PABPC4L: variants seen among roughly 807,000 people sequenced by gnomAD.
The protein encoded by PABPC4L is poly(A) binding protein cytoplasmic 4 like, also known as polyadenylate-binding protein 4-like.
For synonymous variants in PABPC4L, 169 were observed against 164.1 expected (o/e 1.03, Z -0.23); for missense variants, 452 against 451.4 (o/e 1.00, Z -0.01).
chr4:133,959,699 G>A, the PABPC4L span, among the ~76,000 whole-genome samples: 1 of 152,184 alleles, frequency 6.6e-6, no homozygotes, highest in South Asian at 2.1e-4. Context: ...CGCACTGGGA[G>A]AAGAAATGCA....
At chr4:133,960,733 G>A in the PABPC4L span, among the ~76,000 whole-genome samples, 1 of 152,268 alleles carries the variant, frequency 6.6e-6, no homozygotes, top group Non-Finnish European at 1.5e-5. Flanking sequence ...GGAGCATGAT[G>A]GGAGTGAGAC....
chr4:134,171,469 G>T, the PABPC4L span, among the ~76,000 whole-genome samples: 2 of 152,084 alleles, frequency 1.3e-5, no homozygotes, highest in Non-Finnish European at 2.9e-5. Flanking sequence ...TTTAAATGGG[G>T]CTGTTTTTTG....
the PABPC4L span, among the ~76,000 whole-genome samples, chr4:134,008,881 C>T: frequency 1.3e-5 from 2 of 151,440 alleles, no homozygotes; most frequent in Non-Finnish European, 3.0e-5. Flanking sequence ...TGAGGTTCAA[C>T]AATAAAAGAG....
chr4:134,030,976 A>G, the PABPC4L span, among the ~76,000 whole-genome samples: 1 of 152,046 alleles, frequency 6.6e-6, no homozygotes, highest in Admixed American at 6.6e-5. Flanking sequence ...GTATCTCTGA[A>G]AGGTTAAAGA....
chr4:133,977,784 T>A, the PABPC4L span, among the ~76,000 whole-genome samples: 1 of 152,328 alleles, frequency 6.6e-6, no homozygotes, highest in African/African-American at 2.4e-5. Context: ...TAAATTGTAA[T>A]CTCAATAAAT....
chr4:133,970,925 G>T, the PABPC4L span, among the ~76,000 whole-genome samples: 2 of 151,898 alleles, frequency 1.3e-5, no homozygotes, highest in Non-Finnish European at 2.9e-5. Flanking sequence ...ATAATCATAA[G>T]ACATAAATTT....
the PABPC4L span, among the ~76,000 whole-genome samples, chr4:134,094,242 T>C: frequency 6.6e-6 from 1 of 151,986 alleles, no homozygotes; most frequent in Non-Finnish European, 1.5e-5. Flanking sequence ...TTTTTCCATA[T>C]TTTTATTGAA....
At chr4:134,143,991 T>C in the PABPC4L span, among the ~76,000 whole-genome samples, 2 of 151,590 alleles carry the variant, frequency 1.3e-5, no homozygotes, top group Non-Finnish European at 3.0e-5. Flanking sequence ...CTGATGACAA[T>C]TGATTTTATT....
At chr4:134,025,871 T>C in the PABPC4L span, among the ~76,000 whole-genome samples, 2 of 152,006 alleles carry the variant, frequency 1.3e-5, no homozygotes, top group South Asian at 4.2e-4. Context: ...TCTAACATAA[T>C]TTTTTTACCA....
chr4:134,127,922 G>C, the PABPC4L span, among the ~76,000 whole-genome samples: 3 of 152,022 alleles, frequency 2.0e-5, no homozygotes, highest in Admixed American at 6.6e-5. Flanking sequence ...TACAGGATAT[G>C]AATGAAAAAA....
At chr4:134,023,648 A>T in the PABPC4L span, among the ~76,000 whole-genome samples, 1 of 152,076 alleles carries the variant, frequency 6.6e-6, no homozygotes, top group African/African-American at 2.4e-5. Context: ...TATGAATTAT[A>T]TTTTTTTAAA....
chr4:133,979,699 C>A, the PABPC4L span, among the ~76,000 whole-genome samples: 1 of 152,200 alleles, frequency 6.6e-6, no homozygotes, highest in South Asian at 2.1e-4. Flanking sequence ...GCAAAGAAAT[C>A]AATCAGTTTT....
chr4:134,036,089 CA>C, the PABPC4L span, among the ~76,000 whole-genome samples: 7 of 151,930 alleles, frequency 4.6e-5, no homozygotes, highest in Non-Finnish European at 1.0e-4. Flanking sequence ...GGTGGGGACA[CA>C]AAACCTACCA....
the PABPC4L span, among the ~76,000 whole-genome samples, chr4:134,053,692 A>G: frequency 2.6e-5 from 4 of 152,228 alleles, 1 homozygote; most frequent in Admixed American, 2.6e-4. Flanking sequence ...TTGTGTATAC[A>G]TCAGAGCACA....
At chr4:133,953,690 T>C in the PABPC4L span, among the ~76,000 whole-genome samples, 1 of 152,132 alleles carries the variant, frequency 6.6e-6, no homozygotes, top group African/African-American at 2.4e-5. Flanking sequence ...GCCCAATTCC[T>C]GGGGTCATTA....
the PABPC4L span, among the ~76,000 whole-genome samples, chr4:134,163,989 C>T: frequency 1.1e-4 from 17 of 152,022 alleles, no homozygotes; most frequent in African/African-American, 1.7e-4. Flanking sequence ...CTGGGCCAGG[C>T]GCGGTGGCTC....
At chr4:134,041,789 A>G in the PABPC4L span, among the ~76,000 whole-genome samples, 1 of 152,170 alleles carries the variant, frequency 6.6e-6, no homozygotes, top group Non-Finnish European at 1.5e-5. Flanking sequence ...TATTGGTGTC[A>G]ATGTGGTGAA....
the PABPC4L span, among the ~76,000 whole-genome samples, chr4:134,006,359 TA>T: frequency 1.3e-5 from 2 of 152,038 alleles, no homozygotes; most frequent in Admixed American, 1.3e-4. Context: ...TCTAGTACTA[TA>T]ATCTTGGTAA....
the PABPC4L span, among the ~76,000 whole-genome samples, chr4:134,172,295 C>T: frequency 6.6e-6 from 1 of 152,030 alleles, no homozygotes; most frequent in Non-Finnish European, 1.5e-5. Flanking sequence ...ACCAAAACAG[C>T]ATGGTACTGG....
Sources: allele counts gnomAD v4.1 joint callset (sites outside exome capture counted in the v4.1 genomes callset), GRCh38; gene constraint gnomAD v4.1.1; transcripts MANE v1.5; gene names NCBI Gene and HGNC (gene_info 2026-07-23, HGNC 2026-07-21).